Variants in PRKAA2 observed in about 807,000 individuals in gnomAD.
The protein encoded by PRKAA2 is 5'-AMP-activated protein kinase catalytic subunit alpha-2.
A neutral mutation model predicts 56.3 loss-of-function variants in PRKAA2; 40 were observed. The ratio of observed to expected loss-of-function variants is 0.71; its 90% CI spans 0.55 to 0.92. The LOEUF (loss-of-function observed/expected upper bound fraction) is 0.92, where lower values mean the gene tolerates loss of function less well. Ranked by LOEUF, PRKAA2 falls within the 40% of genes least tolerant of loss-of-function variation. The pLI, the probability that PRKAA2 is intolerant of heterozygous loss-of-function variation, is 0.00. For synonymous variants in PRKAA2, 214 were observed against 234.2 expected (o/e 0.91, Z 0.79); for missense variants, 542 against 686.9 (o/e 0.79, Z 2.36).
chr1:56,658,689 G>A (rs751095588), intron 1 of PRKAA2, among the ~76,000 whole-genome samples: 10 of 148,718 alleles, frequency 6.7e-5, no homozygotes, highest in Non-Finnish European at 1.5e-4. Flanking sequence ...ATAGCTCACT[G>A]TAATCTCGAA....
At chr1:56,670,255 T>G (rs1395906002) in intron 1 of PRKAA2, among the ~76,000 whole-genome samples, 1 of 152,248 alleles carries the variant, frequency 6.6e-6, no homozygotes, top group Non-Finnish European at 1.5e-5. Flanking sequence ...CAGCTTTGAG[T>G]GACAGAAATA....
intron 6 of PRKAA2, among the ~76,000 whole-genome samples, chr1:56,698,483 C>A (rs1340079360): frequency 1.3e-5 from 2 of 152,056 alleles, no homozygotes; most frequent in African/African-American, 2.4e-5. Flanking sequence ...TAGCAAAATG[C>A]ACAAGGTCTA....
At chr1:56,704,961 T>C (rs1161295841) in intron 7 of PRKAA2, among the ~76,000 whole-genome samples, 1 of 152,174 alleles carries the variant, frequency 6.6e-6, no homozygotes, top group East Asian at 1.9e-4. Flanking sequence ...ATTTGGCTAG[T>C]GCTTTTAATA....
intron 6 of PRKAA2, among the ~76,000 whole-genome samples, chr1:56,703,500 T>A (rs1019988546): frequency 6.6e-6 from 1 of 152,232 alleles, no homozygotes; most frequent in Non-Finnish European, 1.5e-5. Context: ...TCATTCAGTC[T>A]GTTGCATTAT....
chr1:56,685,992 T>C (rs1357620889), intron 2 of PRKAA2, among the ~76,000 whole-genome samples: 5 of 152,196 alleles, frequency 3.3e-5, no homozygotes, highest in Non-Finnish European at 7.4e-5. Flanking sequence ...AGTTATCCTT[T>C]AGAGATATGT....
rs1644233922 is a variant in PRKAA2 at position 56,692,380 on chromosome 1, G to A, written c.353G>A (p.Arg118Gln). ...HGRVEEMEAR[R>Q]LFQQILSAVD... is the part of the protein sequence containing the mutation. ...TAGGTTGAAGAGATGGAAGCCAGGC[G>A]GCTCTTTCAGCAGATTCTGTCTGCT... The change falls in exon 4 of 9, where the codon CGG becomes CAG. Residue 118 changes from arginine to glutamine, a missense_variant. Coordinates refer to ENST00000371244, the MANE Select transcript of PRKAA2 (RefSeq NM_006252.4). 6 of 1,613,994 alleles carry A rather than the reference G, an allele frequency of 3.7e-6. No homozygotes were observed. The highest frequency in any genetic ancestry group is 5.1e-6 in the Non-Finnish European group (6 of 1,179,984).
rs1442666072 is a variant in PRKAA2 at position 56,710,853 on chromosome 1, C to T, written c.*3140C>T. The T allele has an allele frequency of 1.3e-5, 2 of 152,008 alleles. No homozygotes were observed. The highest frequency in any genetic ancestry group is 2.9e-5 in the Non-Finnish European group (2 of 67,964). The allele number at this position is 152,008 out of a possible 1,614,324, so 9.4% of individuals were successfully genotyped here. On this transcript the variant is annotated 3_prime_UTR_variant, in exon 9 of 9. Transcript: ENST00000371244. ...GGCTCAGTGGGTAATGAATCAGTGT[C>T]ACTGATTCTTACTTTTAAAATGTGT...
At chr1:56,671,517 T>C (rs894522474) in intron 1 of PRKAA2, 1 of 152,224 alleles carries the variant, frequency 6.6e-6, no homozygotes, top group African/African-American at 2.4e-5. Context: ...TAGCAAGTTA[T>C]ATTGCTTGAA....
chr1:56,676,122 A>G (rs1431816019), intron 2 of PRKAA2, among the ~76,000 whole-genome samples: 1 of 152,190 alleles, frequency 6.6e-6, no homozygotes, highest in African/African-American at 2.4e-5. Flanking sequence ...AGAGTAGCAT[A>G]TAAGTGTGGT....
intron 1 of PRKAA2, among the ~76,000 whole-genome samples, chr1:56,665,646 T>C (rs1644029883): frequency 6.6e-6 from 1 of 152,216 alleles, no homozygotes; most frequent in Non-Finnish European, 1.5e-5. Context: ...CTAATTTACA[T>C]TCCCTCCAGC....
At chr1:56,701,432 A>G (rs1644292859) in intron 6 of PRKAA2, among the ~76,000 whole-genome samples, 1 of 151,814 alleles carries the variant, frequency 6.6e-6, no homozygotes, top group South Asian at 2.1e-4. Flanking sequence ...ATCTCAAGTT[A>G]TTTTTATTGC....
intron 1 of PRKAA2, among the ~76,000 whole-genome samples, chr1:56,658,962 T>A (rs1389544524): frequency 6.6e-6 from 1 of 150,782 alleles, no homozygotes; most frequent in Non-Finnish European, 1.5e-5. Flanking sequence ...GCCCGGCTAA[T>A]TTTTAATTTT....
At chr1:56,699,571 G>A (rs1644280432) in intron 6 of PRKAA2, among the ~76,000 whole-genome samples, 1 of 152,076 alleles carries the variant, frequency 6.6e-6, no homozygotes, top group South Asian at 2.1e-4. Context: ...AATTTAGATT[G>A]TTTCCTTATT....
intron 6 of PRKAA2, among the ~76,000 whole-genome samples, chr1:56,696,884 A>C (rs1432091181): frequency 6.6e-6 from 1 of 152,058 alleles, no homozygotes; most frequent in African/African-American, 2.4e-5. Flanking sequence ...CCTGCCTATG[A>C]CTTATCAAGG....
At chr1:56,657,679 A>T (rs1484615094) in intron 1 of PRKAA2, among the ~76,000 whole-genome samples, 1 of 151,876 alleles carries the variant, frequency 6.6e-6, no homozygotes, top group African/African-American at 2.4e-5. Flanking sequence ...CCATCTCAAA[A>T]TAAATAAATA....
intron 7 of PRKAA2, 21 bp downstream of exon 7, chr1:56,704,496 A>G (rs962462404): frequency 6.4e-7 from 1 of 1,557,780 alleles, no homozygotes; most frequent in African/African-American, 1.4e-5. Context: ...ATAATGTAAT[A>G]AGATCATTTG....
rs1239521525 is a variant in PRKAA2 at position 56,696,123 on chromosome 1, T to C, written c.752T>C (p.Val251Ala). The C allele has an allele frequency of 6.2e-7, 1 of 1,613,626 alleles. No individual in the cohort carries two copies. The highest frequency in any genetic ancestry group is 8.5e-7 in the Non-Finnish European group (1 of 1,179,886). ...ACTCTCCTGATGCATATGCTGCAGG[T>C]TGACCCACTGAAACGAGCAACTATC... is the stretch of plus-strand genomic sequence containing the variant. The part of the protein sequence containing the change: ...VATLLMHMLQ[V>A]DPLKRATIKD... Residue 251 changes from valine to alanine, a missense_variant, in exon 6 of 9, where the codon GTT becomes GCT. By Grantham distance (64) the Val-to-Ala change is moderately conservative (BLOSUM62 0). Coordinates refer to ENST00000371244, the MANE Select transcript of PRKAA2 (RefSeq NM_006252.4).
chr1:56,681,674 G>A (rs1400030591), intron 2 of PRKAA2, among the ~76,000 whole-genome samples: 1 of 152,144 alleles, frequency 6.6e-6, no homozygotes, highest in Non-Finnish European at 1.5e-5. Context: ...GTAGATGTGT[G>A]GTATTATTTC....
At chr1:56,658,712 A>G (rs958575900) in intron 1 of PRKAA2, among the ~76,000 whole-genome samples, 6 of 151,158 alleles carry the variant, frequency 4.0e-5, no homozygotes, top group African/African-American at 1.5e-4. Flanking sequence ...CCTGGGCTCA[A>G]GTGATCCTCC....
Sources: allele counts gnomAD v4.1 joint callset (sites outside exome capture counted in the v4.1 genomes callset), GRCh38; gene constraint gnomAD v4.1.1; transcripts MANE v1.5; gene names NCBI Gene and HGNC (gene_info 2026-07-23, HGNC 2026-07-21).